The following ABI3BP variants were observed in gnomAD, a reference collection of about 807,000 sequenced individuals.
The protein encoded by ABI3BP is ABI family member 3 binding protein.
ABI3BP carries 216 observed loss-of-function variants against 268.6 expected under a neutral mutation model. The observed-to-expected ratio is 0.80, with a 90% CI of 0.72 to 0.90. The LOEUF is 0.90. Ranked by LOEUF, ABI3BP falls within the 40% of genes least tolerant of loss-of-function variation. ABI3BP has a pLI of 0.00. For missense variants in ABI3BP, 2,090 were observed against 2,182.4 expected (o/e 0.96, Z 0.84); for synonymous variants, 730 against 730.0 (o/e 1.00, Z 0.00).
intron 58 of ABI3BP, 115 bp from the exon 59 acceptor site, chr3:100,778,491 G>A (rs1213856932): frequency 4.9e-5 from 42 of 855,522 alleles, no homozygotes; most frequent in Middle Eastern, 6.4e-4. Context: ...GCAGTTGGAT[G>A]ACAGAGAATA....
intron 1 of ABI3BP, 26 bp from the exon 2 acceptor site, chr3:100,926,507 T>C (rs754969958): frequency 8.1e-6 from 13 of 1,599,312 alleles, no homozygotes; most frequent in Non-Finnish European, 1.1e-5. Flanking sequence ...AAAACATCGA[T>C]GGCTGTTACT....
intron 34 of ABI3BP, among the ~76,000 whole-genome samples, chr3:100,827,381 C>G (rs1042860391): frequency 1.3e-5 from 2 of 152,024 alleles, no homozygotes; most frequent in Non-Finnish European, 2.9e-5. Flanking sequence ...TCTATTATTT[C>G]TATCAGTGAC....
intron 1 of ABI3BP, among the ~76,000 whole-genome samples, chr3:100,944,578 T>A (rs2071205767): frequency 6.6e-6 from 1 of 152,170 alleles, no homozygotes; most frequent in Non-Finnish European, 1.5e-5. Flanking sequence ...TGCAAAAACA[T>A]TGTCAAAAAA....
chr3:100,909,465 C>T (rs1225176505), intron 2 of ABI3BP, among the ~76,000 whole-genome samples: 1 of 151,772 alleles, frequency 6.6e-6, no homozygotes, highest in Non-Finnish European at 1.5e-5. Flanking sequence ...AAACTACCAT[C>T]AGAGTGAACA....
chr3:100,935,714 C>T (rs926804791), intron 1 of ABI3BP, among the ~76,000 whole-genome samples: 3 of 152,018 alleles, frequency 2.0e-5, no homozygotes, highest in African/African-American at 4.8e-5. Flanking sequence ...AGTTGGATTC[C>T]TAGGTATTTT....
chr3:100,804,813 C>T lies in ABI3BP; in HGVS notation c.3736G>A (p.Glu1246Lys), dbSNP rs2097655056. ...TTACCAGGTGTGGTGTATGACACTT[C>T]TGGACTTGGTGACGTTTTTGGTTTT... ...TAKPKTSPSP[E>K]VSYTTPAPKD... The change falls in exon 51 of 68, where the codon GAA (glutamate) becomes AAA (lysine). Residue 1246 changes from glutamate to lysine, a missense_variant. Physicochemically the swap from Glu to Lys is moderately conservative, Grantham distance 56. Coordinates refer to ENST00000471714, the MANE Select transcript of ABI3BP (RefSeq NM_001375547.2). The T allele has an allele frequency of 1.9e-6, 3 of 1,613,042 alleles. No individual in the cohort carries two copies. The highest frequency in any genetic ancestry group is 2.5e-6 in the Non-Finnish European group (3 of 1,179,206).
chr3:100,939,985 T>A (rs1481887845), intron 1 of ABI3BP, among the ~76,000 whole-genome samples: 4 of 152,084 alleles, frequency 2.6e-5, no homozygotes, highest in African/African-American at 9.7e-5. Context: ...CCCATTTGCT[T>A]TTGAAAGAAG....
At chr3:100,977,675 A>G (rs2086934117) in intron 1 of ABI3BP, among the ~76,000 whole-genome samples, 1 of 152,188 alleles carries the variant, frequency 6.6e-6, no homozygotes, top group Non-Finnish European at 1.5e-5. Context: ...TGAAAGTTAC[A>G]TATTTTCACT....
rs749138452 is a variant in ABI3BP at position 100,811,749 on chromosome 3, G to A, written c.3472C>T (p.Pro1158Ser). ...VYPTAKAPLWPEEPKTEVVES... is the reference protein window; with the variant it reads ...VYPTAKAPLWSEEPKTEVVES... The stretch of plus-strand genomic sequence containing the variant: ...CTACCTTCAGTCTTTGGCTCCTCTG[G>A]CCAGAGTGGTGCTTTGGCAGTGGGA... The change falls in exon 47 of 68, where the codon CCA becomes TCA. Residue 1158 changes from proline (P) to serine (S), a missense_variant. Transcript: ENST00000471714. The A allele has an allele frequency of 2.6e-6, 4 of 1,535,458 alleles. No individual in the cohort carries two copies. The highest frequency in any genetic ancestry group is 3.5e-6 in the Non-Finnish European group (4 of 1,146,450).
At chr3:100,904,243 A>G (rs1170980966) in intron 2 of ABI3BP, among the ~76,000 whole-genome samples, 1 of 152,182 alleles carries the variant, frequency 6.6e-6, no homozygotes, top group East Asian at 1.9e-4. Context: ...TGTGGCATAT[A>G]CAGTCACATG....
chr3:100,968,092 A>C (rs2082053607), intron 1 of ABI3BP, among the ~76,000 whole-genome samples: 1 of 152,192 alleles, frequency 6.6e-6, no homozygotes, highest in Admixed American at 6.5e-5. Context: ...GGGAGTTCTA[A>C]TAGAACAATC....
intron 65 of ABI3BP, 116 bp from the exon 66 acceptor site, chr3:100,753,064 A>C: frequency 1.1e-6 from 1 of 874,976 alleles, no homozygotes; most frequent in Non-Finnish European, 1.7e-6. Context: ...CATGCTAAAT[A>C]CTGGAGCCAA....
intron 63 of ABI3BP, among the ~76,000 whole-genome samples, chr3:100,763,175 C>CG (rs932376530): frequency 6.6e-6 from 1 of 151,938 alleles, no homozygotes; most frequent in African/African-American, 2.4e-5. Flanking sequence ...TAAATCTAGA[C>CG]GGGGGCTGGG....
At chr3:100,754,561 C>A in intron 64 of ABI3BP, 51 bp downstream of exon 64, 2 of 1,490,370 alleles carry the variant, frequency 1.3e-6, no homozygotes, top group South Asian at 2.4e-5. Context: ...AAACATTGCT[C>A]CACTGTGGCC....
At chr3:100,925,084 G>A (rs1293200346) in intron 2 of ABI3BP, among the ~76,000 whole-genome samples, 2 of 152,118 alleles carry the variant, frequency 1.3e-5, no homozygotes, top group Non-Finnish European at 2.9e-5. Context: ...TAACAAACTA[G>A]TAGGTTTGCT....
intron 61 of ABI3BP, 148 bp downstream of exon 61, chr3:100,774,457 A>G: frequency 1.7e-6 from 1 of 589,818 alleles, no homozygotes; most frequent in Non-Finnish European, 2.9e-6. Flanking sequence ...GCTGACACCC[A>G]GTTGACTTGC....
intron 2 of ABI3BP, among the ~76,000 whole-genome samples, chr3:100,923,493 A>G (rs147284807): frequency 6.6e-6 from 1 of 152,220 alleles, no homozygotes; most frequent in Non-Finnish European, 1.5e-5. Flanking sequence ...TAAGGCATAC[A>G]TAAGTGATAT....
rs555524345 is a variant in ABI3BP at position 100,880,965 on chromosome 3, C to G, written c.697-4405G>C. Among the ~76,000 whole-genome samples the G allele has an allele frequency of 1.1e-3, 163 of 152,040 alleles. 1 individual carries two copies. Among genetic ancestry groups the G allele is most frequent in the African/African-American group, 3.7e-3 (155 of 41,496 alleles). On this transcript the variant is annotated intron_variant, in intron 6 of 67. Transcript: ENST00000471714. ...AGTGGTTAAAACAGTGGCTCAAAGT[C>G]AAATTTCAATGACTCAAGAGTCAAA...
intron 1 of ABI3BP, among the ~76,000 whole-genome samples, chr3:100,946,946 ATTAACT>A (rs2072704560): frequency 6.6e-6 from 1 of 152,214 alleles, no homozygotes; most frequent in South Asian, 2.1e-4. Flanking sequence ...TTCTGAAGAC[ATTAACT>A]TTATTTGTAC....
Sources: allele counts gnomAD v4.1 joint callset (sites outside exome capture counted in the v4.1 genomes callset), GRCh38; gene constraint gnomAD v4.1.1; transcripts MANE v1.5; gene names NCBI Gene and HGNC (gene_info 2026-07-23, HGNC 2026-07-21).